Variants in KCNH5 observed in about 807,000 individuals in gnomAD.
The protein encoded by KCNH5 is voltage-gated delayed rectifier potassium channel KCNH5.
Under a neutral mutation model 96.1 loss-of-function variants are expected in KCNH5, and 46 were observed. The ratio of observed to expected loss-of-function variants is 0.48; its 90% CI spans 0.38 to 0.61. The LOEUF (loss-of-function observed/expected upper bound fraction) is 0.61, where lower values mean the gene tolerates loss of function less well. Ranked by LOEUF, KCNH5 falls within the 20% of genes least tolerant of loss-of-function variation. The pLI, the probability that KCNH5 is intolerant of heterozygous loss-of-function variation, is 0.00. For missense variants in KCNH5, 907 were observed against 1,225.8 expected (o/e 0.74, Z 3.88); for synonymous variants, 439 against 449.8 (o/e 0.98, Z 0.30).
chr14:62,783,756 T>C (rs1476901553), intron 9 of KCNH5, among the ~76,000 whole-genome samples: 2 of 152,084 alleles, frequency 1.3e-5, no homozygotes, highest in Non-Finnish European at 2.9e-5. Context: ...TGTAAAATAT[T>C]AATGTCCAAA....
intron 8 of KCNH5, among the ~76,000 whole-genome samples, chr14:62,841,805 G>C (rs568989528): frequency 1.3e-5 from 2 of 152,350 alleles, no homozygotes; most frequent in East Asian, 3.9e-4. Context: ...AATGTGGCTG[G>C]TGGTAACTCC....
At chr14:62,970,870 CA>C in intron 6 of KCNH5, among the ~76,000 whole-genome samples, 1 of 148,766 alleles carries the variant, frequency 6.7e-6, no homozygotes, top group East Asian at 2.0e-4. Flanking sequence ...GAACATCTAC[CA>C]AAAAAAAGAA....
chr14:62,830,093 A>T (rs1050385388), intron 8 of KCNH5, among the ~76,000 whole-genome samples: 2 of 152,190 alleles, frequency 1.3e-5, no homozygotes, highest in African/African-American at 4.8e-5. Context: ...CTCTTTGCTA[A>T]ATCATAGCAA....
intron 8 of KCNH5, among the ~76,000 whole-genome samples, chr14:62,804,737 G>T (rs916508910): frequency 6.6e-6 from 1 of 152,280 alleles, no homozygotes; most frequent in East Asian, 1.9e-4. Flanking sequence ...TGGGGATAAT[G>T]ATAGTGCTTA....
chr14:62,862,126 A>C (rs1189069569), intron 7 of KCNH5, among the ~76,000 whole-genome samples: 1 of 152,232 alleles, frequency 6.6e-6, no homozygotes, highest in Non-Finnish European at 1.5e-5. Flanking sequence ...CAAATACAGA[A>C]TATAACTTAC....
At chr14:62,873,943 A>T (rs1451429309) in intron 7 of KCNH5, among the ~76,000 whole-genome samples, 3 of 152,168 alleles carry the variant, frequency 2.0e-5, no homozygotes, top group Non-Finnish European at 4.4e-5. Flanking sequence ...TTGCAACATG[A>T]CATCATATTT....
chr14:62,982,465 G>A (rs1594658457), intron 5 of KCNH5, among the ~76,000 whole-genome samples: 1 of 152,338 alleles, frequency 6.6e-6, no homozygotes, highest in East Asian at 1.9e-4. Context: ...CCCATTGTAT[G>A]TATTCAGTTA....
chr14:62,779,279 T>C (rs1886159781), intron 10 of KCNH5, among the ~76,000 whole-genome samples: 1 of 152,230 alleles, frequency 6.6e-6, no homozygotes, highest in Admixed American at 6.5e-5. Flanking sequence ...TAGCGTTCTT[T>C]GAAAGAGTAA....
intron 7 of KCNH5, among the ~76,000 whole-genome samples, chr14:62,873,796 G>C (rs1888311667): frequency 6.6e-6 from 1 of 152,090 alleles, no homozygotes; most frequent in Non-Finnish European, 1.5e-5. Flanking sequence ...GAATCTACAA[G>C]CCTCAAGGGG....
intron 10 of KCNH5, among the ~76,000 whole-genome samples, chr14:62,723,406 A>C (rs1174075791): frequency 2.0e-5 from 3 of 152,266 alleles, no homozygotes; most frequent in Non-Finnish European, 4.4e-5. Context: ...AATAGATGAT[A>C]CATTACAATT....
At chr14:62,875,361 C>A (rs530518229) in intron 7 of KCNH5, among the ~76,000 whole-genome samples, 1 of 152,046 alleles carries the variant, frequency 6.6e-6, no homozygotes, top group East Asian at 1.9e-4. Context: ...CATATGGAAC[C>A]AAAAAAGAGC....
intron 8 of KCNH5, among the ~76,000 whole-genome samples, chr14:62,817,261 A>AAT (rs201262331): frequency 5.1e-5 from 7 of 136,724 alleles, no homozygotes; most frequent in South Asian, 2.2e-4. Flanking sequence ...ATATATATAT[A>AAT]ATATATATAT....
intron 9 of KCNH5, among the ~76,000 whole-genome samples, chr14:62,797,681 TAA>T (rs1008175772): frequency 1.1e-4 from 17 of 152,194 alleles, no homozygotes; most frequent in South Asian, 8.3e-4. Context: ...TTGAGCAGTA[TAA>T]GTTATAAATT....
chr14:62,839,444 C>A (rs1887530944), intron 8 of KCNH5, among the ~76,000 whole-genome samples: 1 of 152,124 alleles, frequency 6.6e-6, no homozygotes, highest in African/African-American at 2.4e-5. Flanking sequence ...CTGCAGACTC[C>A]CCTGTGCCAT....
At chr14:62,801,294 C>G (rs1886654014) in intron 9 of KCNH5, among the ~76,000 whole-genome samples, 1 of 151,110 alleles carries the variant, frequency 6.6e-6, no homozygotes, top group South Asian at 2.1e-4. Context: ...AAAAATTGAG[C>G]TCATTTTTCA....
rs564156577 is a variant in KCNH5, at chr14:62,882,623, T to C, written c.1370-32771A>G. Among the ~76,000 whole-genome samples the C allele has an allele frequency of 3.2e-4, 48 of 152,348 alleles. 1 individual carries two copies. Among genetic ancestry groups the C allele is most frequent in the South Asian group, 4.1e-4 (2 of 4,828 alleles). On this transcript the variant is annotated intron_variant, in intron 7 of 10. Coordinates refer to ENST00000322893, the MANE Select transcript of KCNH5 (RefSeq NM_139318.5). ...TGGAGAAATAGGGCCACCATGCTGA[T>C]CCATACAATAATCGCTTTACAACAG...
chr14:62,838,078 C>G (rs1417587011), intron 8 of KCNH5, among the ~76,000 whole-genome samples: 1 of 152,178 alleles, frequency 6.6e-6, no homozygotes, highest in Non-Finnish European at 1.5e-5. Context: ...TGTCTTCTGA[C>G]TTCTTCCTTG....
intron 7 of KCNH5, among the ~76,000 whole-genome samples, chr14:62,908,714 G>C (rs187166649): frequency 1.8e-3 from 269 of 150,184 alleles, no homozygotes; most frequent in African/African-American, 6.1e-3. Context: ...AGAATTTTTG[G>C]AAGATTGTGC....
chr14:62,838,939 A>G (rs1371201299), intron 8 of KCNH5, among the ~76,000 whole-genome samples: 4 of 152,218 alleles, frequency 2.6e-5, no homozygotes, highest in Non-Finnish European at 5.9e-5. Flanking sequence ...ATGTAAATTA[A>G]TGTTGGTTGT....
Sources: gnomAD v4.1 joint callset for allele counts (sites outside exome capture counted in the v4.1 genomes callset) on GRCh38, gnomAD v4.1.1 for gene constraint, MANE v1.5 for transcripts, NCBI Gene and HGNC (gene_info 2026-07-23, HGNC 2026-07-21) for gene names.